The following WASF3 variants were observed in gnomAD, a reference collection of about 807,000 sequenced individuals.
The protein encoded by WASF3 is actin-binding protein WASF3.
A neutral mutation model predicts 46.6 loss-of-function variants in WASF3; 11 were observed. The ratio of observed to expected loss-of-function variants is 0.24; its 90% CI spans 0.15 to 0.39. The LOEUF (loss-of-function observed/expected upper bound fraction) is 0.39. WASF3 is among the 10% of genes least tolerant of loss of function. WASF3 has a pLI of 1.00. For missense variants in WASF3, 576 were observed against 669.8 expected (o/e 0.86, Z 1.55); for synonymous variants, 242 against 259.7 (o/e 0.93, Z 0.65).
intron 9 of WASF3, among the ~76,000 whole-genome samples, chr13:26,684,059 A>C (rs1883327638): frequency 6.6e-6 from 1 of 152,244 alleles, no homozygotes; most frequent in African/African-American, 2.4e-5. Flanking sequence ...GATGTCCTTC[A>C]GAGGAGCTGT....
At chr13:26,638,313 T>A (rs1192025134) in intron 2 of WASF3, 1 of 152,242 alleles carries the variant, frequency 6.6e-6, no homozygotes, top group African/African-American at 2.4e-5. Context: ...TGGCCCAGTT[T>A]CAGCCATGTC....
At chr13:26,602,598 C>T (rs1880673421) in intron 1 of WASF3, among the ~76,000 whole-genome samples, 1 of 152,120 alleles carries the variant, frequency 6.6e-6, no homozygotes, top group Non-Finnish European at 1.5e-5. Context: ...CCTGTGGGTA[C>T]AGGTTTATGA....
rs537011260 is a variant in WASF3, at chr13:26,687,194, C to G, written c.*1349C>G. ...TAACTGTGTTGAACAAACAGGTGCTCCAGGCTTTGATTATAGATACGACTT... is the reference window on the plus strand; with the variant it reads ...TAACTGTGTTGAACAAACAGGTGCTGCAGGCTTTGATTATAGATACGACTT... On this transcript the variant is annotated 3_prime_UTR_variant, in exon 10 of 10. Coordinates refer to ENST00000335327, the MANE Select transcript of WASF3 (RefSeq NM_006646.6). 9 of 152,306 alleles carry G rather than the reference C, an allele frequency of 5.9e-5. No individual in the cohort carries two copies. Among genetic ancestry groups the G allele is most frequent in the African/African-American group, 1.9e-4 (8 of 41,566 alleles). 9.4% of individuals were successfully genotyped at this position (152,306 alleles called of 1,614,324 possible). A position where few individuals can be genotyped will look rare whatever the true frequency, so the allele number is the denominator to read the frequency against.
chr13:26,650,073 A>C (rs530897501), intron 3 of WASF3, among the ~76,000 whole-genome samples: 1 of 152,314 alleles, frequency 6.6e-6, no homozygotes, highest in East Asian at 1.9e-4. Context: ...TCTCAGAAAA[A>C]AAGCGCCCAA....
chr13:26,626,095 A>T (rs1416496860), intron 2 of WASF3: 2 of 152,180 alleles, frequency 1.3e-5, no homozygotes, highest in African/African-American at 2.4e-5. Context: ...ACCATTGCAG[A>T]AGGTAGAGGA....
chr13:26,563,473 G>T (rs569035055), intron 1 of WASF3, among the ~76,000 whole-genome samples: 66 of 151,922 alleles, frequency 4.3e-4, no homozygotes, highest in Non-Finnish European at 8.2e-4. Flanking sequence ...TGGCCAACAT[G>T]GCAAAACCCT....
At position 26,682,035 on chromosome 13, in the gene WASF3, C is replaced by A. The variant is rs1199554343; in HGVS notation, c.984-572C>A. On this transcript the variant is annotated intron_variant, in intron 8 of 9. Transcript: ENST00000335327. This position sits in a 1 kb window ranked among gnomAD's most constrained non-coding sequence, Gnocchi z 4.4. ...TGGCCATGCATGCCAAGTCAGGATC[C>A]CCAGAGTGGCTTGAGGCTGTGTCAG... Among the ~76,000 whole-genome samples, 2 of 152,202 alleles carry A rather than the reference C, an allele frequency of 1.3e-5. No individual in the cohort carries two copies. Among genetic ancestry groups the A allele is most frequent in the Non-Finnish European group, 2.9e-5 (2 of 68,036 alleles).
chr13:26,582,756 TA>T (rs542788604), intron 1 of WASF3, among the ~76,000 whole-genome samples: 323 of 136,808 alleles, frequency 2.4e-3, no homozygotes, highest in African/African-American at 7.6e-3. Flanking sequence ...ATGTAAATAA[TA>T]AAGTGCTTAG....
intron 2 of WASF3, among the ~76,000 whole-genome samples, chr13:26,617,352 AGCCT>A (rs1215927813): frequency 6.6e-6 from 1 of 151,870 alleles, no homozygotes; most frequent in Non-Finnish European, 1.5e-5. Flanking sequence ...TGTGTCTTAG[AGCCT>A]GACTCCCTTT....
chr13:26,568,801 AG>A (rs896259838), intron 1 of WASF3, among the ~76,000 whole-genome samples: 1 of 152,216 alleles, frequency 6.6e-6, no homozygotes, highest in African/African-American at 2.4e-5. Flanking sequence ...ATAGGACTGT[AG>A]AAAAGTCTCA....
chr13:26,576,849 A>G (rs920522508), intron 1 of WASF3: 4 of 584,876 alleles, frequency 6.8e-6, no homozygotes, highest in Non-Finnish European at 1.2e-5. Flanking sequence ...CTATAGTATA[A>G]TATCAAAACC....
chr13:26,553,139 G>A (rs1381354860), upstream of WASF3, among the ~76,000 whole-genome samples: 1 of 152,098 alleles, frequency 6.6e-6, no homozygotes, highest in Non-Finnish European at 1.5e-5. Context: ...CTGCCCTGTG[G>A]GCCCCGGACT....
At chr13:26,581,834 G>A (rs971239714) in intron 1 of WASF3, among the ~76,000 whole-genome samples, 1 of 152,200 alleles carries the variant, frequency 6.6e-6, no homozygotes, top group African/African-American at 2.4e-5. Flanking sequence ...AAAATAAAGT[G>A]ATTCTTCAGC....
At chr13:26,599,842 A>C (rs1015499878) in intron 1 of WASF3, among the ~76,000 whole-genome samples, 1 of 152,164 alleles carries the variant, frequency 6.6e-6, no homozygotes, top group Admixed American at 6.5e-5. Context: ...ATGTTATAGA[A>C]TGGAGGTTAC....
At chr13:26,661,063 A>G (rs1037476605) in intron 3 of WASF3, among the ~76,000 whole-genome samples, 11 of 152,230 alleles carry the variant, frequency 7.2e-5, no homozygotes, top group African/African-American at 2.7e-4. Flanking sequence ...GCATTAGTCT[A>G]TTCACGAGGG....
chr13:26,678,251 T>A (rs1020930941), intron 7 of WASF3, among the ~76,000 whole-genome samples: 45 of 152,302 alleles, frequency 3.0e-4, no homozygotes, highest in Non-Finnish European at 1.8e-4. Flanking sequence ...AACCCTTAAT[T>A]TAGAAATTTT....
At chr13:26,557,329 G>A (rs965693426), upstream of WASF3, among the ~76,000 whole-genome samples, 1 of 152,136 alleles carries the variant, frequency 6.6e-6, no homozygotes, top group Non-Finnish European at 1.5e-5. Context: ...CAACACCCAG[G>A]GAGGATTAGG....
At chr13:26,627,886 T>C (rs1391578216) in intron 2 of WASF3, among the ~76,000 whole-genome samples, 1 of 138,612 alleles carries the variant, frequency 7.2e-6, no homozygotes, top group African/African-American at 2.6e-5. Flanking sequence ...TAAAGTATAA[T>C]AATAAAGAAA....
intron 1 of WASF3, among the ~76,000 whole-genome samples, chr13:26,576,138 A>C (rs878989702): frequency 6.6e-6 from 1 of 151,880 alleles, no homozygotes; most frequent in Non-Finnish European, 1.5e-5. Flanking sequence ...ATTCACTTCA[A>C]CTTTGACCCT....
Sources: gnomAD v4.1 joint callset for allele counts (sites outside exome capture counted in the v4.1 genomes callset) on GRCh38, gnomAD v4.1.1 for gene constraint, Gnocchi (gnomAD v3.1) non-coding constraint, MANE v1.5 for transcripts, NCBI Gene and HGNC (gene_info 2026-07-23, HGNC 2026-07-21) for gene names.